The following DTNB variants were observed in gnomAD, a reference collection of about 807,000 sequenced individuals.
The protein encoded by DTNB is dystrobrevin beta.
A neutral mutation model predicts 90.7 loss-of-function variants in DTNB; 63 were observed. That is an observed-to-expected ratio of 0.69 (90% confidence interval 0.57 to 0.86). The LOEUF is 0.86. Ranked by LOEUF, DTNB falls within the 40% of genes least tolerant of loss-of-function variation. DTNB has a pLI of 0.00. For missense variants in DTNB, 744 were observed against 807.1 expected (o/e 0.92, Z 0.95); for synonymous variants, 277 against 286.7 (o/e 0.97, Z 0.34).
At chr2:25,552,229 C>A (rs990465660) in intron 8 of DTNB, among the ~76,000 whole-genome samples, 1 of 152,220 alleles carries the variant, frequency 6.6e-6, no homozygotes, top group Non-Finnish European at 1.5e-5. Flanking sequence ...CCTGTTCAGA[C>A]ATCTACTCTG....
At chr2:25,567,088 CTGTTTT>C (rs1236013138) in intron 8 of DTNB, among the ~76,000 whole-genome samples, 1 of 152,184 alleles carries the variant, frequency 6.6e-6, no homozygotes, top group African/African-American at 2.4e-5. Context: ...TTTGTATATT[CTGTTTT>C]TAATTTCTCC....
chr2:25,462,930 G>C (rs1203022886), intron 10 of DTNB, among the ~76,000 whole-genome samples: 2 of 152,008 alleles, frequency 1.3e-5, no homozygotes, highest in East Asian at 3.9e-4. Flanking sequence ...GTCTCGATCT[G>C]CTGACCTCGT....
At chr2:25,590,808 A>G (rs1012213906) in intron 6 of DTNB, among the ~76,000 whole-genome samples, 31 of 152,170 alleles carry the variant, frequency 2.0e-4, no homozygotes, top group African/African-American at 6.0e-4. Context: ...CCCGACCCCC[A>G]GGCTTCAGGC....
chr2:25,507,676 C>T (rs912327197), intron 9 of DTNB, among the ~76,000 whole-genome samples: 1 of 152,194 alleles, frequency 6.6e-6, no homozygotes, highest in Non-Finnish European at 1.5e-5. Context: ...CCTGACTCTG[C>T]TTTAGTCTAT....
intron 12 of DTNB, among the ~76,000 whole-genome samples, chr2:25,449,758 TTTTC>T (rs1397124482): frequency 2.3e-5 from 3 of 128,572 alleles, no homozygotes; most frequent in African/African-American, 5.3e-5. Context: ...GTTTGTCTGT[TTTTC>T]TTTTTCTTTT....
intron 9 of DTNB, among the ~76,000 whole-genome samples, chr2:25,490,276 G>A (rs1293579233): frequency 2.0e-5 from 3 of 152,012 alleles, no homozygotes; most frequent in Admixed American, 1.3e-4. Context: ...ATCCTGTCTC[G>A]GTGGCGGGCA....
At chr2:25,550,158 A>G (rs996857925) in intron 8 of DTNB, among the ~76,000 whole-genome samples, 7 of 152,012 alleles carry the variant, frequency 4.6e-5, no homozygotes, top group Non-Finnish European at 7.4e-5. Flanking sequence ...TTGGGAGGCC[A>G]AGGTGGGCGG....
intron 4 of DTNB, among the ~76,000 whole-genome samples, chr2:25,611,138 G>T (rs1205484023): frequency 2.0e-5 from 3 of 152,114 alleles, no homozygotes; most frequent in African/African-American, 7.2e-5. Flanking sequence ...ATATCTACAA[G>T]ATTTTTTATG....
intron 9 of DTNB, among the ~76,000 whole-genome samples, chr2:25,501,577 A>G (rs979723091): frequency 6.6e-6 from 1 of 152,154 alleles, no homozygotes; most frequent in South Asian, 2.1e-4. Flanking sequence ...GAGTTTCACC[A>G]TGTTGGCCAG....
chr2:25,586,410 T>C (rs1210526030), intron 6 of DTNB, among the ~76,000 whole-genome samples: 2 of 149,754 alleles, frequency 1.3e-5, no homozygotes, highest in African/African-American at 2.5e-5. Flanking sequence ...CTCGGGAGGC[T>C]GAGGCAGGAG....
chr2:25,475,872 G>T (rs994330559), intron 10 of DTNB, among the ~76,000 whole-genome samples: 1 of 152,122 alleles, frequency 6.6e-6, no homozygotes, highest in African/African-American at 2.4e-5. Context: ...TTACAGCACG[G>T]TTTAATGAAT....
intron 10 of DTNB, among the ~76,000 whole-genome samples, chr2:25,473,164 A>C (rs997181470): frequency 2.6e-5 from 4 of 152,232 alleles, no homozygotes; most frequent in Non-Finnish European, 4.4e-5. Flanking sequence ...ATCCATGAAA[A>C]AGTTGAGAAC....
chr2:25,498,247 G>A (rs1016869134), intron 9 of DTNB, among the ~76,000 whole-genome samples: 2 of 152,084 alleles, frequency 1.3e-5, no homozygotes, highest in African/African-American at 4.8e-5. Context: ...TCAGTGCCCG[G>A]GAAATAATTC....
chr2:25,471,119 G>A (rs1313855912), intron 10 of DTNB, among the ~76,000 whole-genome samples: 3 of 152,134 alleles, frequency 2.0e-5, no homozygotes, highest in Admixed American at 6.5e-5. Flanking sequence ...ACAAGCTAAT[G>A]AGAAAAAATA....
At chr2:25,512,242 C>G (rs1441719356) in intron 9 of DTNB, among the ~76,000 whole-genome samples, 1 of 152,234 alleles carries the variant, frequency 6.6e-6, no homozygotes, top group African/African-American at 2.4e-5. Flanking sequence ...TGAGTAACTA[C>G]TCTTTGGTTG....
chr2:25,597,981 G>A (rs1290933850), intron 5 of DTNB, among the ~76,000 whole-genome samples: 1 of 152,234 alleles, frequency 6.6e-6, no homozygotes, highest in Non-Finnish European at 1.5e-5. Flanking sequence ...TGAGCTGCCA[G>A]TAGCCACATT....
chr2:25,557,810 T>C (rs542340420), intron 8 of DTNB, among the ~76,000 whole-genome samples: 5 of 152,302 alleles, frequency 3.3e-5, no homozygotes, highest in Admixed American at 6.5e-5. Context: ...CAGTTGCTGC[T>C]TCCTACAGAT....
intron 4 of DTNB, among the ~76,000 whole-genome samples, chr2:25,611,982 C>T (rs1573401599): frequency 6.6e-6 from 1 of 152,166 alleles, no homozygotes; most frequent in East Asian, 1.9e-4. Context: ...TATCAAGAGA[C>T]AGCACATTAT....
intron 12 of DTNB, among the ~76,000 whole-genome samples, 187 bp downstream of exon 12, chr2:25,451,351 GTGATCTTAAC>G (rs1394965528): frequency 6.6e-6 from 1 of 152,190 alleles, no homozygotes; most frequent in African/African-American, 2.4e-5. Flanking sequence ...AACTGTAGGT[GTGATCTTAAC>G]TGTAGGTTTT....
Sources: gnomAD v4.1 joint callset for allele counts (sites outside exome capture counted in the v4.1 genomes callset) on GRCh38, gnomAD v4.1.1 for gene constraint, MANE v1.5 for transcripts, NCBI Gene and HGNC (gene_info 2026-07-23, HGNC 2026-07-21) for gene names.